Variants in CCDC148 observed in about 807,000 individuals in gnomAD.
The protein encoded by CCDC148 is coiled-coil domain containing 148.
In CCDC148, 89 loss-of-function variants were observed where a neutral mutation model predicts 85.7. The observed-to-expected ratio is 1.04, with a 90% CI of 0.87 to 1.24. The LOEUF is 1.24. CCDC148 is among the 50% of genes most tolerant of loss of function. The pLI is 0.00. For synonymous variants in CCDC148, 230 were observed against 213.9 expected, an observed-to-expected ratio of 1.08 and a Z score of -0.66; for missense variants, 692 against 671.7, an observed-to-expected ratio of 1.03 and a Z score of -0.33.
chr2:158,345,414 G>T, intron 2 of CCDC148, 96 bp from the exon 3 acceptor site: 1 of 775,808 alleles, frequency 1.3e-6, no homozygotes, highest in Non-Finnish European at 2.0e-6. Context: ...AAGTTAAATA[G>T]TTTCTCTTTT....
chr2:158,193,855 C>G, intron 11 of CCDC148, among the ~76,000 whole-genome samples: 1 of 79,972 alleles, frequency 1.3e-5, no homozygotes, highest in African/African-American at 5.1e-5. Flanking sequence ...CTAATGCTAT[C>G]CCTCCCCCCA....
chr2:158,185,732 T>C (rs1219039586), intron 11 of CCDC148, among the ~76,000 whole-genome samples: 1 of 152,126 alleles, frequency 6.6e-6, no homozygotes, highest in Non-Finnish European at 1.5e-5. Flanking sequence ...TATTTATTCT[T>C]CTTTTTCTGA....
intron 9 of CCDC148, among the ~76,000 whole-genome samples, chr2:158,276,921 C>T (rs772807746): frequency 6.6e-6 from 1 of 152,120 alleles, no homozygotes; most frequent in African/African-American, 2.4e-5. Context: ...TAATTATCAG[C>T]CTACAAATTC....
At chr2:158,404,510 A>G (rs1685919736) in intron 1 of CCDC148, among the ~76,000 whole-genome samples, 1 of 152,166 alleles carries the variant, frequency 6.6e-6, no homozygotes. Context: ...ACTCCTCTTC[A>G]GCATTCTAAA....
chr2:158,376,203 C>T (rs1684643763), intron 1 of CCDC148, among the ~76,000 whole-genome samples: 1 of 152,008 alleles, frequency 6.6e-6, no homozygotes, highest in African/African-American at 2.4e-5. Context: ...GCAAAATTTC[C>T]TGTCTTAAAA....
At chr2:158,348,081 G>T (rs9917145) in intron 2 of CCDC148, among the ~76,000 whole-genome samples, 118,147 of 151,984 alleles carry the variant, frequency 0.78, 46,237 homozygotes, top group East Asian at 0.95. Flanking sequence ...TCACAAGATT[G>T]CATATGGATT....
At chr2:158,455,187 C>A (rs1348400301) in intron 1 of CCDC148, among the ~76,000 whole-genome samples, 14 of 152,108 alleles carry the variant, frequency 9.2e-5, no homozygotes, top group Non-Finnish European at 1.5e-5. Flanking sequence ...AACAAAAACA[C>A]ACATTAAAAA....
intron 11 of CCDC148, among the ~76,000 whole-genome samples, chr2:158,196,749 A>G (rs905569468): frequency 6.6e-6 from 1 of 152,152 alleles, no homozygotes; most frequent in Non-Finnish European, 1.5e-5. Flanking sequence ...TCTCTGCTCA[A>G]AATCCCTGCT....
At chr2:158,412,513 C>T (rs1686304905) in intron 1 of CCDC148, among the ~76,000 whole-genome samples, 3 of 152,108 alleles carry the variant, frequency 2.0e-5, no homozygotes, top group Admixed American at 1.3e-4. Flanking sequence ...TTCCAGCCCA[C>T]AAATACTGAA....
chr2:158,336,409 G>A (rs913919219), intron 7 of CCDC148, among the ~76,000 whole-genome samples: 2 of 151,988 alleles, frequency 1.3e-5, no homozygotes, highest in Non-Finnish European at 2.9e-5. Flanking sequence ...ATTTTCTTTA[G>A]TTGACATTTG....
intron 11 of CCDC148, among the ~76,000 whole-genome samples, chr2:158,210,023 G>C (rs932451487): frequency 6.6e-6 from 1 of 152,110 alleles, no homozygotes; most frequent in Admixed American, 6.5e-5. Flanking sequence ...TGGCAAATTG[G>C]ATAAAGAGTC....
In CCDC148 at chr2:158,364,961, T is replaced by A. The variant is rs571232490; in HGVS notation, c.26-6391A>T. Among the ~76,000 whole-genome samples the A allele has an allele frequency of 1.6e-4, 24 of 152,136 alleles. No individual in the cohort carries two copies. The South Asian group carries it at 5.0e-3, about 32-fold the overall frequency. On this transcript the variant is annotated intron_variant, in intron 1 of 13. Coordinates refer to ENST00000283233, the MANE Select transcript of CCDC148 (RefSeq NM_138803.4). Reference sequence around the variant, plus strand: ...AATCTACAAAGAACTTAAACAAATTTACAAGAAAAAACAACCCCATCAAAA... The same window carrying A: ...AATCTACAAAGAACTTAAACAAATTAACAAGAAAAAACAACCCCATCAAAA...
At chr2:158,306,599 G>A (rs142218899) in intron 9 of CCDC148, among the ~76,000 whole-genome samples, 1 of 150,420 alleles carries the variant, frequency 6.6e-6, no homozygotes, top group Non-Finnish European at 1.5e-5. Context: ...AACACTGCAT[G>A]TTCTCACTCA....
intron 9 of CCDC148, among the ~76,000 whole-genome samples, chr2:158,271,645 T>C (rs1689703647): frequency 6.6e-6 from 1 of 152,196 alleles, no homozygotes. Context: ...AATTGTCTTA[T>C]TATTATTCTT....
At chr2:158,219,414 A>G (rs1439531312) in intron 11 of CCDC148, among the ~76,000 whole-genome samples, 2 of 152,164 alleles carry the variant, frequency 1.3e-5, no homozygotes, top group East Asian at 1.9e-4. Context: ...CCCTCTATCT[A>G]TCCCTACAAC....
Position 158,242,536 on chromosome 2 carries a change from C to T in CCDC148, c.1251+8236G>A, listed in dbSNP as rs549410047. ...GAACTCCAGCTCAGGTCTGAGGGAA[C>T]GCAAAAAGCCCCATGCTCAATACCA... On this transcript the variant is annotated intron_variant, in intron 10 of 13. Transcript: ENST00000283233. Among the ~76,000 whole-genome samples the T allele has an allele frequency of 3.9e-5, 6 of 152,142 alleles. No individual in the cohort carries two copies. In the South Asian group the frequency reaches 6.3e-4, roughly 16 times the overall value.
At chr2:158,287,185 C>T (rs536989689) in intron 9 of CCDC148, among the ~76,000 whole-genome samples, 1 of 152,262 alleles carries the variant, frequency 6.6e-6, no homozygotes, top group Admixed American at 6.5e-5. Context: ...TACTGGGCCC[C>T]TCCCATAACA....
chr2:158,233,928 A>G (rs1211086531), intron 10 of CCDC148, among the ~76,000 whole-genome samples: 1 of 152,148 alleles, frequency 6.6e-6, no homozygotes, highest in Non-Finnish European at 1.5e-5. Flanking sequence ...CTGTAATCTC[A>G]GCACTTTGGG....
intron 8 of CCDC148, among the ~76,000 whole-genome samples, chr2:158,310,728 GGCCGGGCAGAGGCA>G (rs1691953881): frequency 6.7e-6 from 1 of 150,144 alleles, no homozygotes; most frequent in Non-Finnish European, 1.5e-5. Context: ...CAGACGGGGC[GGCCGGGCAGAGGCA>G]CTCCTCACAT....
Sources: allele counts gnomAD v4.1 joint callset (sites outside exome capture counted in the v4.1 genomes callset), GRCh38; gene constraint gnomAD v4.1.1; transcripts MANE v1.5; gene names NCBI Gene and HGNC (gene_info 2026-07-23, HGNC 2026-07-21).